Variants in UBE2E1 observed in about 807,000 individuals in gnomAD.
UBE2E1 encodes ubiquitin conjugating enzyme E2 E1.
Under a neutral mutation model 21.4 loss-of-function variants are expected in UBE2E1, and 6 were observed. That is an observed-to-expected ratio of 0.28 (90% confidence interval 0.15 to 0.55). The LOEUF (loss-of-function observed/expected upper bound fraction) is 0.55, where lower values mean the gene tolerates loss of function less well. UBE2E1 is among the 20% of genes least tolerant of loss of function. The pLI, the probability that UBE2E1 is intolerant of heterozygous loss-of-function variation, is 0.93. For synonymous variants in UBE2E1, 87 were observed against 82.7 expected (o/e 1.05, Z -0.28); for missense variants, 142 against 236.5 (o/e 0.60, Z 2.62).
rs1198255203 is a variant in UBE2E1, at chr3:23,863,282, A to G, written c.204-24285A>G. Reference sequence around the variant, plus strand: ...CCTTTATCCTGTTTTGCTTAGATCAATGTTGATAAAATATTCACTGTTTAT... The same window carrying G: ...CCTTTATCCTGTTTTGCTTAGATCAGTGTTGATAAAATATTCACTGTTTAT... On this transcript the variant is annotated intron_variant, in intron 3 of 5. Coordinates refer to ENST00000306627, the MANE Select transcript of UBE2E1 (RefSeq NM_003341.5). The surrounding 1 kb of genome is among the most constrained non-coding windows in gnomAD (Gnocchi z 4.3). Among the ~76,000 whole-genome samples the G allele has an allele frequency of 1.3e-5, 2 of 152,132 alleles. No individual in the cohort carries two copies. Among genetic ancestry groups the G allele is most frequent in the African/African-American group, 4.8e-5 (2 of 41,432 alleles).
chr3:23,871,917 C>T (rs376937160), intron 3 of UBE2E1, among the ~76,000 whole-genome samples: 25,195 of 150,972 alleles, frequency 0.17, 2,102 homozygotes, highest in Non-Finnish European at 0.2. Flanking sequence ...GGGCTCCTCA[C>T]GTCCCAGACG....
chr3:23,880,865 G>A (rs1701022607), intron 3 of UBE2E1, among the ~76,000 whole-genome samples: 1 of 152,212 alleles, frequency 6.6e-6, no homozygotes, highest in Non-Finnish European at 1.5e-5. Context: ...CAGTTGGTTT[G>A]TTAATACCTC....
At chr3:23,814,354 G>C (rs1314759602) in intron 3 of UBE2E1, among the ~76,000 whole-genome samples, 4 of 152,108 alleles carry the variant, frequency 2.6e-5, no homozygotes, top group African/African-American at 4.8e-5. Flanking sequence ...TATTATGTTG[G>C]GTGGATATTT....
Position 23,879,243 on chromosome 3 carries a change from C to T in UBE2E1, c.204-8324C>T, listed in dbSNP as rs1700982815. 6.8e-6 allele frequency: 6 copies of T among 887,306 alleles called. No individual in the cohort carries two copies. In the South Asian group the frequency reaches 7.6e-5, roughly 11 times the overall value. 55.0% of individuals were successfully genotyped at this position (887,306 alleles called of 1,614,324 possible). ...ATCTGTGCATCTGGCATATGACTTC[C>T]ACAGTGGCCTTACTTTGTCCTAAAC... On this transcript the variant is annotated intron_variant, in intron 3 of 5. Coordinates refer to ENST00000306627, the MANE Select transcript of UBE2E1 (RefSeq NM_003341.5).
At chr3:23,878,196 C>T (rs1304423620) in intron 3 of UBE2E1, among the ~76,000 whole-genome samples, 2 of 152,132 alleles carry the variant, frequency 1.3e-5, no homozygotes, top group Non-Finnish European at 2.9e-5. Flanking sequence ...ATTTACTCAT[C>T]TTCCACAAGG....
chr3:23,842,249 G>GTGTGTGTGTGTGTGT lies in UBE2E1; in HGVS notation c.203+30739_203+30740insTGTGTGTGTGTGTGT, dbSNP rs58491698. Among the ~76,000 whole-genome samples, 2 of 98,222 alleles carry GTGTGTGTGTGTGTGT rather than the reference G, an allele frequency of 2.0e-5. No individual in the cohort carries two copies. Among genetic ancestry groups the GTGTGTGTGTGTGTGT allele is most frequent in the Non-Finnish European group, 4.1e-5 (2 of 48,516 alleles). 64.4% of individuals were successfully genotyped at this position (98,222 alleles called of 152,430 possible). A position where few individuals can be genotyped will look rare whatever the true frequency, so the allele number is the denominator to read the frequency against. ...TGTGTGTGTGTGTGTGTGTGTGTGT[G>GTGTGTGTGTGTGTGT]GTGTTGTTGTTGTTGGCGACAGGGT... On this transcript the variant is annotated intron_variant, in intron 3 of 5. Coordinates refer to ENST00000306627, the MANE Select transcript of UBE2E1 (RefSeq NM_003341.5). This position sits in a 1 kb window ranked among gnomAD's most constrained non-coding sequence, Gnocchi z 4.6.
Position 23,853,317 on chromosome 3 carries a change from G to A in UBE2E1, c.204-34250G>A, listed in dbSNP as rs1700366274. 6.6e-6 allele frequency among the ~76,000 whole-genome samples: 1 copy of A among 152,234 alleles called. No individual in the cohort carries two copies. Among genetic ancestry groups the A allele is most frequent in the South Asian group, 2.1e-4 (1 of 4,836 alleles). ...AATGAAAAATAAAATAAGTAGTAGT[G>A]AGGGTGGACATGTTTGTCTTGTTCC... On this transcript the variant is annotated intron_variant, in intron 3 of 5. Coordinates refer to ENST00000306627, the MANE Select transcript of UBE2E1 (RefSeq NM_003341.5). This position sits in a 1 kb window ranked among gnomAD's most constrained non-coding sequence, Gnocchi z 4.1.
chr3:23,843,113 A>G (rs140214453), intron 3 of UBE2E1, among the ~76,000 whole-genome samples: 7 of 151,464 alleles, frequency 4.6e-5, no homozygotes, highest in Non-Finnish European at 8.8e-5. Context: ...TTCAAGGACA[A>G]TTTTTTTCAG....
At chr3:23,839,359 G>A (rs1409679331) in intron 3 of UBE2E1, among the ~76,000 whole-genome samples, 4 of 152,116 alleles carry the variant, frequency 2.6e-5, no homozygotes, top group East Asian at 1.9e-4. Context: ...AGCTACTTGG[G>A]AGGCTGAGGT....
chr3:23,857,929 A>G, intron 3 of UBE2E1, among the ~76,000 whole-genome samples: 1 of 151,900 alleles, frequency 6.6e-6, no homozygotes, highest in Non-Finnish European at 1.5e-5. Context: ...GGCTCACTGC[A>G]ACCTCTGTCA....
intron 3 of UBE2E1, among the ~76,000 whole-genome samples, chr3:23,833,106 C>T (rs1003607795): frequency 6.6e-6 from 1 of 152,286 alleles, no homozygotes; most frequent in East Asian, 1.9e-4. Context: ...ACCTTTTGGT[C>T]AATTTTTCAA....
At chr3:23,860,145 T>C (rs1207640157) in intron 3 of UBE2E1, among the ~76,000 whole-genome samples, 2 of 152,242 alleles carry the variant, frequency 1.3e-5, no homozygotes, top group Admixed American at 6.5e-5. Context: ...AGCCCTTTGC[T>C]GCCAGCTTGC....
intron 3 of UBE2E1, among the ~76,000 whole-genome samples, chr3:23,815,496 G>C (rs557364869): frequency 2.0e-5 from 3 of 152,322 alleles, no homozygotes; most frequent in Non-Finnish European, 4.4e-5. Flanking sequence ...GCACACAGAT[G>C]CTCCAAGTTA....
intron 3 of UBE2E1, among the ~76,000 whole-genome samples, chr3:23,868,457 C>A (rs974022927): frequency 6.6e-6 from 1 of 151,944 alleles, no homozygotes; most frequent in African/African-American, 2.4e-5. Context: ...TACAGGCGCC[C>A]ACTAACACAC....
At chr3:23,846,411 A>G (rs996347853) in intron 3 of UBE2E1, among the ~76,000 whole-genome samples, 3 of 151,972 alleles carry the variant, frequency 2.0e-5, no homozygotes, top group Non-Finnish European at 2.9e-5. Context: ...AAAAAAGAGA[A>G]TGGGGCCAGG....
At chr3:23,813,818 G>A (rs1699453480) in intron 3 of UBE2E1, among the ~76,000 whole-genome samples, 1 of 152,188 alleles carries the variant, frequency 6.6e-6, no homozygotes, top group African/African-American at 2.4e-5. Flanking sequence ...TGGGGTTACG[G>A]GCGTGAGCCA....
At chr3:23,815,905 A>C (rs1169104930) in intron 3 of UBE2E1, among the ~76,000 whole-genome samples, 1 of 152,232 alleles carries the variant, frequency 6.6e-6, no homozygotes, top group African/African-American at 2.4e-5. Context: ...ACCTTTATGC[A>C]TGTAAAGGCA....
chr3:23,851,020 T>C (rs180675868), intron 3 of UBE2E1, among the ~76,000 whole-genome samples: 39 of 152,172 alleles, frequency 2.6e-4, no homozygotes, highest in Middle Eastern at 3.4e-3. Flanking sequence ...TTTCATACTT[T>C]TAGTTTTTCG....
rs1270400336 is a variant in UBE2E1 at position 23,810,965 on chromosome 3, G to A, written c.153-495G>A. ...CTTCGTCACTGAGGACTCCGGGCGG[G>A]TCGGGTGTTGAGCGAGGCCTCGGAC... On this transcript the variant is annotated intron_variant, in intron 2 of 5. Coordinates refer to ENST00000306627, the MANE Select transcript of UBE2E1 (RefSeq NM_003341.5). The surrounding 1 kb of genome is among the most constrained non-coding windows in gnomAD (Gnocchi z 5.8). 6.2e-6 allele frequency: 1 copy of A among 161,740 alleles called. No homozygotes were observed. 10.0% of individuals were successfully genotyped at this position (161,740 alleles called of 1,614,324 possible).
Sources: allele counts gnomAD v4.1 joint callset (sites outside exome capture counted in the v4.1 genomes callset), GRCh38; gene constraint gnomAD v4.1.1; non-coding constraint Gnocchi (gnomAD v3.1); transcripts MANE v1.5; gene names NCBI Gene and HGNC (gene_info 2026-07-23, HGNC 2026-07-21).